Variants in TTC39B observed in about 807,000 individuals in gnomAD.
The protein encoded by TTC39B is tetratricopeptide repeat domain 39B, also known as tetratricopeptide repeat protein 39B.
Under a neutral mutation model 96.6 loss-of-function variants are expected in TTC39B, and 92 were observed. The observed-to-expected ratio is 0.95, with a 90% CI of 0.80 to 1.13. The LOEUF is 1.13. Among genes scored for constraint, TTC39B ranks in the 50% most tolerant of loss-of-function variants. TTC39B has a pLI of 0.00. For missense variants in TTC39B, 955 were observed against 809.3 expected (o/e 1.18, Z -2.18); for synonymous variants, 367 against 299.4 (o/e 1.23, Z -2.33).
At chr9:15,275,332 C>T (rs2131568379) in intron 1 of TTC39B, among the ~76,000 whole-genome samples, 1 of 152,296 alleles carries the variant, frequency 6.6e-6, no homozygotes, top group East Asian at 1.9e-4. Flanking sequence ...TGAGCCAACG[C>T]TCCCAGCCAG....
chr9:15,181,023 T>G (rs1344256422), intron 17 of TTC39B, among the ~76,000 whole-genome samples: 1 of 152,140 alleles, frequency 6.6e-6, no homozygotes, highest in African/African-American at 2.4e-5. Flanking sequence ...GAAAAAGGAA[T>G]GGGTGGAGGA....
exon 20 of TTC39B, chr9:15,166,904 G>A (rs1438869039): frequency 7.4e-6 from 1 of 135,280 alleles, no homozygotes; most frequent in Non-Finnish European, 1.6e-5. Flanking sequence ...TTATATATAT[G>A]CATATCACTT....
intron 1 of TTC39B, among the ~76,000 whole-genome samples, chr9:15,269,387 T>G (rs1823251281): frequency 6.6e-6 from 1 of 152,208 alleles, no homozygotes; most frequent in African/African-American, 2.4e-5. Flanking sequence ...AATGAATGAA[T>G]GGAACCTGGA....
At chr9:15,166,983 TATATATATATA>T (rs1226011010) in exon 20 of TTC39B, 65 of 4,354 alleles carry the variant, frequency 0.015, no homozygotes, top group African/African-American at 0.026. Flanking sequence ...ACCTTTATTT[TATATATATATA>T]TATATATATA....
chr9:15,233,505 G>A (rs1395079970), intron 2 of TTC39B, among the ~76,000 whole-genome samples: 24 of 149,784 alleles, frequency 1.6e-4, no homozygotes, highest in Non-Finnish European at 3.3e-4. Flanking sequence ...GCAGGCGCAC[G>A]CCGCCACGCC....
chr9:15,300,326 G>T lies in TTC39B; in HGVS notation c.240+6758C>A, dbSNP rs553399417. On this transcript the variant is annotated intron_variant, in intron 1 of 19. Coordinates refer to ENST00000512701, the Ensembl canonical transcript of TTC39B. ...AGGAACCCAGAATTATTACTCAATGGCTCCTCCCTCACTGCACCACTGACC... is the reference window on the plus strand; with the variant it reads ...AGGAACCCAGAATTATTACTCAATGTCTCCTCCCTCACTGCACCACTGACC... Among the ~76,000 whole-genome samples, 31 of 152,070 alleles carry T rather than the reference G, an allele frequency of 2.0e-4. 1 individual carries two copies. Among genetic ancestry groups the T allele is most frequent in the Non-Finnish European group, 4.0e-4 (27 of 68,016 alleles).
intron 2 of TTC39B, among the ~76,000 whole-genome samples, chr9:15,251,763 G>C (rs1269238252): frequency 7.2e-6 from 1 of 139,358 alleles, no homozygotes; most frequent in African/African-American, 2.6e-5. Context: ...GGACAAGACA[G>C]CTAAATGTAT....
rs549795834 is a variant in TTC39B, at chr9:15,306,037, G to A, written c.240+1047C>T. 2.2e-4 allele frequency among the ~76,000 whole-genome samples: 33 copies of A among 152,286 alleles called. No homozygotes were observed. Among genetic ancestry groups the A allele is most frequent in the African/African-American group, 7.9e-4 (33 of 41,554 alleles). On this transcript the variant is annotated intron_variant, in intron 1 of 19. Coordinates refer to ENST00000512701, the Ensembl canonical transcript of TTC39B. This position sits in a 1 kb window ranked among gnomAD's most constrained non-coding sequence, Gnocchi z 5.1. ...GTTTATTTTACGGAGCACATTTAAA[G>A]TATAGTCTTCCTTGTCAGGAGATTC...
chr9:15,224,308 C>T (rs1399537755), intron 3 of TTC39B: 2 of 152,540 alleles, frequency 1.3e-5, no homozygotes, highest in African/African-American at 4.8e-5. Flanking sequence ...CTTTGCCACA[C>T]CTGGCTCTGC....
At chr9:15,179,558 A>T (rs1818138661) in intron 17 of TTC39B, among the ~76,000 whole-genome samples, 1 of 152,178 alleles carries the variant, frequency 6.6e-6, no homozygotes, top group South Asian at 2.1e-4. Flanking sequence ...ATTTAGAATC[A>T]TTTTTCTACC....
At chr9:15,195,751 C>T (rs1819129350) in intron 8 of TTC39B, among the ~76,000 whole-genome samples, 1 of 150,202 alleles carries the variant, frequency 6.7e-6, no homozygotes, top group Non-Finnish European at 1.5e-5. Context: ...TCCAGAATAT[C>T]TAGCTAAGAT....
intron 1 of TTC39B, among the ~76,000 whole-genome samples, chr9:15,276,646 T>C (rs1426194261): frequency 6.6e-6 from 1 of 152,238 alleles, no homozygotes; most frequent in Non-Finnish European, 1.5e-5. Context: ...ACACAAGTGA[T>C]TTTAATTACA....
chr9:15,167,624 T>C (rs1817553306), exon 20 of TTC39B: 1 of 152,240 alleles, frequency 6.6e-6, no homozygotes, highest in South Asian at 2.1e-4. Context: ...TGGTGGCACA[T>C]GCCTGTAATC....
chr9:15,284,159 A>C (rs1226381176), intron 1 of TTC39B, among the ~76,000 whole-genome samples: 1 of 152,270 alleles, frequency 6.6e-6, no homozygotes, highest in Admixed American at 6.5e-5. Context: ...ACACTGAAGA[A>C]GAAATCCACT....
chr9:15,169,839 T>C (rs1432699719), exon 20 of TTC39B: 1 of 152,134 alleles, frequency 6.6e-6, no homozygotes, highest in Non-Finnish European at 1.5e-5. Context: ...AGAGTTAAAA[T>C]AAAAATGGCC....
exon 18 of TTC39B, chr9:15,177,797 C>G (rs1818024518): frequency 1.2e-6 from 2 of 1,604,504 alleles, no homozygotes; most frequent in Non-Finnish European, 1.7e-6. Flanking sequence ...TCATCATCCA[C>G]AGAGAAGCTG....
At chr9:15,197,258 T>C (rs1022385444) in intron 8 of TTC39B, among the ~76,000 whole-genome samples, 14 of 152,224 alleles carry the variant, frequency 9.2e-5, no homozygotes, top group African/African-American at 3.4e-4. Flanking sequence ...TTTTAATCCT[T>C]TAGTATTTTT....
At chr9:15,284,633 T>C (rs2131589580) in intron 1 of TTC39B, among the ~76,000 whole-genome samples, 1 of 152,322 alleles carries the variant, frequency 6.6e-6, no homozygotes, top group Non-Finnish European at 1.5e-5. Flanking sequence ...TTTATTTTAA[T>C]AAAAGCTGGA....
At chr9:15,256,220 C>T (rs1411043016) in intron 2 of TTC39B, among the ~76,000 whole-genome samples, 1 of 151,818 alleles carries the variant, frequency 6.6e-6, no homozygotes, top group African/African-American at 2.4e-5. Flanking sequence ...CTATTTTCTG[C>T]TTCCTTCTAC....
Sources: gnomAD v4.1 joint callset for allele counts (sites outside exome capture counted in the v4.1 genomes callset) on GRCh38, gnomAD v4.1.1 for gene constraint, Gnocchi (gnomAD v3.1) non-coding constraint, MANE v1.5 for transcripts, NCBI Gene and HGNC (gene_info 2026-07-23, HGNC 2026-07-21) for gene names.